The following GOLGA3 variants were observed in gnomAD, a reference collection of about 807,000 sequenced individuals.
GOLGA3 encodes the protein golgin A3.
Under a neutral mutation model 169.4 loss-of-function variants are expected in GOLGA3, and 75 were observed. That is an observed-to-expected ratio of 0.44 (90% CI 0.37 to 0.54). The LOEUF is 0.54. GOLGA3 is among the 20% of genes least tolerant of loss of function. GOLGA3 has a pLI of 0.00. For missense variants in GOLGA3, 1,899 were observed against 1,930.0 expected, an observed-to-expected ratio of 0.98 and a Z score of 0.30; for synonymous variants, 824 against 822.4, an observed-to-expected ratio of 1.00 and a Z score of -0.03.
chr12:132,826,293 G>C, intron 1 of GOLGA3: 1 of 855,414 alleles, frequency 1.2e-6, no homozygotes, highest in South Asian at 1.9e-5. Context: ...CCACGGCCCA[G>C]ACAGGCACCA....
In GOLGA3 at chr12:132,798,200, T is replaced by G. The variant is rs377757586; in HGVS notation, c.1938+140A>C. The G allele has an allele frequency of 7.9e-6, 5 of 633,782 alleles. No individual in the cohort carries two copies. In the African/African-American group the frequency reaches 8.2e-5, roughly 10 times the overall value. 39.3% of individuals were successfully genotyped at this position (633,782 alleles called of 1,614,324 possible). ...GGGGTGGGGGGGGGGTCCCAAAGCC[T>G]TAACGAGCAGTCACTGCCCGCCATC... On this transcript the variant is annotated intron_variant, in intron 9 of 23. Coordinates refer to ENST00000450791, the MANE Select transcript of GOLGA3 (RefSeq NM_001389683.1).
chr12:132,806,789 C>A (rs1949428283), intron 6 of GOLGA3, among the ~76,000 whole-genome samples: 1 of 152,130 alleles, frequency 6.6e-6, no homozygotes. Flanking sequence ...GCTAACCAAG[C>A]CAGCGTGTGC....
intron 3 of GOLGA3, 33 bp from the exon 4 acceptor site, chr12:132,813,452 T>G (rs1453214525): frequency 1.7e-6 from 2 of 1,208,214 alleles, no homozygotes; most frequent in East Asian, 2.3e-5. Flanking sequence ...TGGAAACTCA[T>G]AAAATACCAG....
intron 1 of GOLGA3, among the ~76,000 whole-genome samples, chr12:132,822,858 G>A (rs946671400): frequency 1.3e-5 from 2 of 152,166 alleles, no homozygotes; most frequent in Admixed American, 6.5e-5. Context: ...GGAGGCGGAG[G>A]TTGCAGTGAG....
Position 132,795,928 on chromosome 12 carries a change from C to G in GOLGA3, c.2393G>C (p.Arg798Pro). The change falls in exon 11 of 24, where the codon CGC becomes CCC. Residue 798 changes from arginine to proline, a missense_variant. Transcript: ENST00000450791. ...GKEELDRGAR[R>P]LEEGTEETSE... Reference sequence around the variant, plus strand: ...CGTTTCCTCGGTACCTTCTTCCAAGCGTCTTGCTCCTCTGTCAAGCTCCTC... The same window carrying G: ...CGTTTCCTCGGTACCTTCTTCCAAGGGTCTTGCTCCTCTGTCAAGCTCCTC... 6.2e-7 allele frequency: 1 copy of G among 1,614,130 alleles called. No individual in the cohort carries two copies. The highest frequency in any genetic ancestry group is 1.1e-5 in the South Asian group (1 of 91,086).
intron 11 of GOLGA3, among the ~76,000 whole-genome samples, chr12:132,794,937 C>T (rs535937319): frequency 9.2e-5 from 14 of 152,330 alleles, no homozygotes; most frequent in African/African-American, 3.4e-4. Context: ...ACCTGTAATC[C>T]CAACACTTCG....
intron 18 of GOLGA3, among the ~76,000 whole-genome samples, chr12:132,779,436 T>TA (rs902911362): frequency 2.6e-5 from 4 of 152,026 alleles, no homozygotes; most frequent in South Asian, 2.1e-4. Context: ...TTTCACCCCT[T>TA]AAAAAAAATC....
chr12:132,769,612 G>A lies in GOLGA3; in HGVS notation c.*3493C>T, dbSNP rs374298033. The A allele has an allele frequency of 1.3e-5, 2 of 152,212 alleles. No individual in the cohort carries two copies. Among genetic ancestry groups the A allele is most frequent in the African/African-American group, 2.4e-5 (1 of 41,444 alleles). 9.4% of individuals were successfully genotyped at this position (152,212 alleles called of 1,614,324 possible). ...GAAAAACACATGAAAACCAAGTTAC[G>A]TTGTTTTTGGAACATCAGAAAAACA... On this transcript the variant is annotated 3_prime_UTR_variant, in exon 24 of 24. Coordinates refer to ENST00000450791, the MANE Select transcript of GOLGA3 (RefSeq NM_001389683.1).
chr12:132,783,890 T>C, intron 16 of GOLGA3: 1 of 1,426,222 alleles, frequency 7.0e-7, no homozygotes, highest in Non-Finnish European at 9.1e-7. Flanking sequence ...GGGTTTCTTA[T>C]TTGCAACCAA....
At chr12:132,827,063 C>A (rs1364048221) in intron 1 of GOLGA3, among the ~76,000 whole-genome samples, 5 of 152,206 alleles carry the variant, frequency 3.3e-5, no homozygotes, top group African/African-American at 1.2e-4. Flanking sequence ...GGACTTCATA[C>A]TGAGAAACCA....
At chr12:132,784,372 G>A in intron 15 of GOLGA3, 65 bp from the exon 16 acceptor site, 11 of 1,405,052 alleles carry the variant, frequency 7.8e-6, no homozygotes, top group Non-Finnish European at 9.8e-6. Flanking sequence ...CACTTCCTGT[G>A]GTGCCGGCAG....
intron 1 of GOLGA3, chr12:132,827,880 C>CAATA (rs1950488932): frequency 6.9e-6 from 1 of 145,836 alleles, no homozygotes; most frequent in African/African-American, 2.6e-5. Context: ...CCAGCCTGGG[C>CAATA]AATACAGCAA....
intron 4 of GOLGA3, 102 bp from the exon 5 acceptor site, chr12:132,808,651 T>C (rs542203992): frequency 3.3e-6 from 3 of 920,958 alleles, no homozygotes; most frequent in African/African-American, 3.3e-5. Context: ...CTCCCTCCGC[T>C]GACAACCAGA....
rs140991001 is a variant in GOLGA3 at position 132,774,246 on chromosome 12, G to A, written c.4218C>T (p.Pro1406=). Residue 1406 remains proline, a synonymous_variant, in exon 23 of 24, where the codon CCC becomes CCT. Transcript: ENST00000450791. ...TCAGCAGCTCCTCCAGCAGCGAGGC[G>A]GGAACTGGGCAGTCCGGGATCTTGA... ...TPIKIPDCPV[P]ASLLEELLRP... 1.5e-4 allele frequency: 235 copies of A among 1,612,516 alleles called. No homozygotes were observed. Among genetic ancestry groups the A allele is most frequent in the Non-Finnish European group, 1.9e-4 (224 of 1,179,994 alleles).
chr12:132,800,102 C>G, intron 8 of GOLGA3, among the ~76,000 whole-genome samples: 1 of 152,196 alleles, frequency 6.6e-6, no homozygotes, highest in East Asian at 1.9e-4. Flanking sequence ...CATATAAATG[C>G]ACTGCAGCTG....
chr12:132,800,891 T>A (rs918161799), intron 8 of GOLGA3, among the ~76,000 whole-genome samples: 1 of 151,822 alleles, frequency 6.6e-6, no homozygotes, highest in African/African-American at 2.4e-5. Flanking sequence ...TCTGAGAGGT[T>A]GAGGCTGCAG....
At chr12:132,815,563 G>A (rs1467750330) in intron 3 of GOLGA3, among the ~76,000 whole-genome samples, 1 of 152,196 alleles carries the variant, frequency 6.6e-6, no homozygotes, top group African/African-American at 2.4e-5. Flanking sequence ...GTAATTTAGG[G>A]TTTTTTGTTG....
At chr12:132,820,541 T>C (rs576030793) in intron 2 of GOLGA3, among the ~76,000 whole-genome samples, 2 of 152,276 alleles carry the variant, frequency 1.3e-5, no homozygotes, top group South Asian at 4.2e-4. Context: ...AGCAAAGCCA[T>C]CCTAAGCGCC....
intron 12 of GOLGA3, among the ~76,000 whole-genome samples, chr12:132,790,506 G>A (rs10781648): frequency 0.97 from 147,856 of 152,278 alleles, 71,938 homozygotes; most frequent in East Asian, 1. Context: ...TTTATATTCC[G>A]TGTCTTTTTG....
Sources: allele counts gnomAD v4.1 joint callset (sites outside exome capture counted in the v4.1 genomes callset), GRCh38; gene constraint gnomAD v4.1.1; transcripts MANE v1.5; gene names NCBI Gene and HGNC (gene_info 2026-07-23, HGNC 2026-07-21).